Variants in RORA observed in about 807,000 individuals in gnomAD.
RORA encodes the protein RAR related orphan receptor A.
RORA carries 7 observed loss-of-function variants against 69.5 expected under a neutral mutation model. The ratio of observed to expected loss-of-function variants is 0.10; its 90% CI spans 0.06 to 0.19. The LOEUF is 0.19. Among genes scored for constraint, RORA ranks in the 10% least tolerant of loss-of-function variants. The probability of loss-of-function intolerance (pLI) is 1.00; values close to 1 mark genes in which losing one functional copy is unlikely to be tolerated. For missense variants in RORA, 457 were observed against 663.0 expected, an observed-to-expected ratio of 0.69 and a Z score of 3.41; for synonymous variants, 261 against 240.8, an observed-to-expected ratio of 1.08 and a Z score of -0.78.
At chr15:60,912,358 G>A (rs1172748842) in intron 1 of RORA, among the ~76,000 whole-genome samples, 2 of 152,076 alleles carry the variant, frequency 1.3e-5, no homozygotes, top group Non-Finnish European at 2.9e-5. Context: ...CGAGTTCAAG[G>A]CTACAGTGAG....
At chr15:61,149,998 AAC>A (rs2079384264) in intron 1 of RORA, among the ~76,000 whole-genome samples, 1 of 152,236 alleles carries the variant, frequency 6.6e-6, no homozygotes, top group Non-Finnish European at 1.5e-5. Flanking sequence ...GCAAGAACCA[AAC>A]ACAGAGCTTT....
chr15:61,140,245 G>T (rs1434245978), intron 1 of RORA, among the ~76,000 whole-genome samples: 2 of 152,106 alleles, frequency 1.3e-5, no homozygotes, highest in African/African-American at 4.8e-5. Flanking sequence ...GCCCAACACG[G>T]TACCTAAAAT....
At chr15:60,625,752 A>C (rs1003662617) in intron 2 of RORA, among the ~76,000 whole-genome samples, 1 of 152,258 alleles carries the variant, frequency 6.6e-6, no homozygotes, top group African/African-American at 2.4e-5. Flanking sequence ...TGAATTCATC[A>C]TGCTAACATA....
intron 1 of RORA, among the ~76,000 whole-genome samples, chr15:60,824,689 A>AT (rs2072935021): frequency 6.6e-6 from 1 of 152,148 alleles, no homozygotes; most frequent in South Asian, 2.1e-4. Context: ...CACTCGTACG[A>AT]TTGTTGCTGT....
intron 1 of RORA, among the ~76,000 whole-genome samples, chr15:60,817,020 A>T (rs1289651592): frequency 2.6e-5 from 4 of 152,232 alleles, no homozygotes; most frequent in Non-Finnish European, 5.9e-5. Context: ...TTTCATTGAC[A>T]AATAATAATA....
chr15:61,062,590 G>C (rs1311135796), intron 1 of RORA, among the ~76,000 whole-genome samples: 4 of 152,198 alleles, frequency 2.6e-5, no homozygotes, highest in Non-Finnish European at 5.9e-5. Flanking sequence ...TAAAAGCATA[G>C]CATGTCTGTG....
At chr15:60,517,673 C>G (rs1040593636) in intron 3 of RORA, among the ~76,000 whole-genome samples, 2 of 152,184 alleles carry the variant, frequency 1.3e-5, no homozygotes, top group African/African-American at 2.4e-5. Context: ...TCTGTCCAAG[C>G]TGAAAGGTGT....
At chr15:60,701,882 C>G (rs1043183759) in intron 1 of RORA, among the ~76,000 whole-genome samples, 8 of 152,172 alleles carry the variant, frequency 5.3e-5, no homozygotes, top group African/African-American at 1.9e-4. Flanking sequence ...CTTCAAAGGC[C>G]TGGAATACTG....
chr15:61,098,383 C>G (rs180870231), intron 1 of RORA, among the ~76,000 whole-genome samples: 3 of 151,784 alleles, frequency 2.0e-5, no homozygotes, highest in Non-Finnish European at 4.4e-5. Flanking sequence ...GCTTTGTCAC[C>G]CAGGCTGGAG....
intron 2 of RORA, among the ~76,000 whole-genome samples, chr15:60,570,627 G>T (rs2067852247): frequency 6.6e-6 from 1 of 152,178 alleles, no homozygotes; most frequent in Non-Finnish European, 1.5e-5. Flanking sequence ...TGCGATTACA[G>T]GTGTGAGCTA....
intron 1 of RORA, among the ~76,000 whole-genome samples, chr15:60,966,579 T>A (rs1325479366): frequency 6.6e-6 from 1 of 152,210 alleles, no homozygotes; most frequent in Non-Finnish European, 1.5e-5. Flanking sequence ...ATTAGATGAA[T>A]GAATAAGTAA....
intron 2 of RORA, among the ~76,000 whole-genome samples, chr15:60,594,256 C>T (rs1036950287): frequency 8.5e-5 from 13 of 152,206 alleles, no homozygotes; most frequent in Non-Finnish European, 1.3e-4. Context: ...AATCACACCA[C>T]GTTCCTATGA....
intron 1 of RORA, among the ~76,000 whole-genome samples, chr15:61,040,113 G>GATATAC (rs1896672595): frequency 4.3e-5 from 2 of 46,302 alleles, no homozygotes; most frequent in Non-Finnish European, 8.1e-5. Context: ...CACAAGCTTT[G>GATATAC]ATATATATAT....
intron 2 of RORA, among the ~76,000 whole-genome samples, chr15:60,538,285 T>G (rs1485035865): frequency 6.6e-6 from 1 of 152,184 alleles, no homozygotes; most frequent in Non-Finnish European, 1.5e-5. Flanking sequence ...CCTCTGAGAC[T>G]GAACTCCCTG....
chr15:60,986,186 T>C (rs1894196800), intron 1 of RORA, among the ~76,000 whole-genome samples: 1 of 151,716 alleles, frequency 6.6e-6, no homozygotes. Flanking sequence ...CAGGCTGGAG[T>C]GCAGTGGTGA....
chr15:60,491,288 G>A lies in RORA; in HGVS notation c.*6167C>T, dbSNP rs1183985796. On this transcript the variant is annotated 3_prime_UTR_variant, in exon 11 of 11. Coordinates refer to ENST00000335670, the MANE Select transcript of RORA (RefSeq NM_134261.3). ...CATGAACACTGGAGAGAATTTAGTT[G>A]TTCTTAGAGAACAACATAATGGCAT... The A allele has an allele frequency of 2.0e-5, 3 of 152,134 alleles. No individual in the cohort carries two copies. The East Asian group carries it at 5.8e-4, about 29-fold the overall frequency. The allele number at this position is 152,134 out of a possible 1,614,324, so 9.4% of individuals were successfully genotyped here.
chr15:60,674,964 GT>G (rs1239411777), intron 2 of RORA, among the ~76,000 whole-genome samples: 8 of 152,122 alleles, frequency 5.3e-5, no homozygotes. Flanking sequence ...TCTGGAAACG[GT>G]TCAGGGGCCT....
intron 1 of RORA, among the ~76,000 whole-genome samples, chr15:60,958,677 C>T (rs1037940207): frequency 2.6e-5 from 4 of 152,086 alleles, no homozygotes; most frequent in African/African-American, 2.4e-5. Flanking sequence ...GGAAATAAAA[C>T]GCATGGAAAA....
intron 1 of RORA, among the ~76,000 whole-genome samples, chr15:61,053,095 G>A (rs1373406759): frequency 6.6e-6 from 1 of 152,114 alleles, no homozygotes; most frequent in Non-Finnish European, 1.5e-5. Context: ...AACAACCAAT[G>A]CTGTGTTATC....
Sources: gnomAD v4.1 joint callset for allele counts (sites outside exome capture counted in the v4.1 genomes callset) on GRCh38, gnomAD v4.1.1 for gene constraint, MANE v1.5 for transcripts, NCBI Gene and HGNC (gene_info 2026-07-23, HGNC 2026-07-21) for gene names.